Variants in NCOR2 observed in about 807,000 individuals in gnomAD.
NCOR2 encodes nuclear receptor corepressor 2, also known as CTG repeat protein 26.
NCOR2 carries 81 observed loss-of-function variants against 262.9 expected under a neutral mutation model. The observed-to-expected ratio is 0.31, with a 90% CI of 0.26 to 0.37. The LOEUF (loss-of-function observed/expected upper bound fraction) is 0.37, where lower values mean the gene tolerates loss of function less well. Among genes scored for constraint, NCOR2 ranks in the 10% least tolerant of loss-of-function variants. The probability of loss-of-function intolerance (pLI) is 1.00; values close to 1 mark genes in which losing one functional copy is unlikely to be tolerated. For missense variants in NCOR2, 3,385 were observed against 3,621.4 expected (o/e 0.93, Z 1.68); for synonymous variants, 1,659 against 1,559.3 (o/e 1.06, Z -1.51).
chr12:124,485,635 G>C (rs1322720194), intron 2 of NCOR2, among the ~76,000 whole-genome samples: 1 of 152,170 alleles, frequency 6.6e-6, no homozygotes, highest in Non-Finnish European at 1.5e-5. Context: ...TCCTCCAGAC[G>C]CCTGCGCCCA....
chr12:124,388,921 C>T (rs1157310413), intron 16 of NCOR2: 11 of 255,904 alleles, frequency 4.3e-5, no homozygotes, highest in African/African-American at 1.1e-4. Context: ...ACGCGGCGGG[C>T]GGAGGCTGGC....
chr12:124,494,478 C>T (rs1237045505), intron 1 of NCOR2, among the ~76,000 whole-genome samples: 1 of 152,182 alleles, frequency 6.6e-6, no homozygotes, highest in African/African-American at 2.4e-5. Flanking sequence ...GGAAATGGGG[C>T]CCCCGCTGGG....
intron 1 of NCOR2, chr12:124,529,725 C>T (rs2050685485): frequency 3.9e-5 from 6 of 152,242 alleles, no homozygotes; most frequent in Admixed American, 6.5e-5. Flanking sequence ...AGAACCACAG[C>T]TTTGCCCAAA....
At chr12:124,507,372 AAAC>A (rs2049106959) in intron 1 of NCOR2, among the ~76,000 whole-genome samples, 1 of 152,248 alleles carries the variant, frequency 6.6e-6, no homozygotes, top group Admixed American at 6.5e-5. Context: ...ATTTAAAATT[AAAC>A]AACACCTCCT....
At chr12:124,471,321 C>T (rs1016248822) in intron 4 of NCOR2, among the ~76,000 whole-genome samples, 5 of 152,200 alleles carry the variant, frequency 3.3e-5, no homozygotes, top group Admixed American at 2.0e-4. Flanking sequence ...CTTGGAGCCC[C>T]TACTTCCTTG....
chr12:124,450,432 C>T (rs1045759555), intron 6 of NCOR2, among the ~76,000 whole-genome samples: 4 of 152,176 alleles, frequency 2.6e-5, no homozygotes, highest in Non-Finnish European at 5.9e-5. Flanking sequence ...TAACGAACAC[C>T]GACGCCCCCG....
intron 5 of NCOR2, among the ~76,000 whole-genome samples, chr12:124,464,908 G>A (rs1189455839): frequency 6.6e-6 from 1 of 152,188 alleles, no homozygotes; most frequent in Non-Finnish European, 1.5e-5. Flanking sequence ...GTGGTGCTTG[G>A]GGTGAGGGGT....
chr12:124,337,013 G>T, exon 38 of NCOR2: 1 of 1,507,286 alleles, frequency 6.6e-7, no homozygotes, highest in South Asian at 1.4e-5. Flanking sequence ...GGCATGGCCG[G>T]TGTCTGCTCG....
upstream of NCOR2, among the ~76,000 whole-genome samples, chr12:124,536,437 C>T (rs539149165): frequency 6.6e-6 from 1 of 152,260 alleles, no homozygotes; most frequent in South Asian, 2.1e-4. Context: ...ATAGCTAGTA[C>T]CCAGAATACA....
intron 1 of NCOR2, among the ~76,000 whole-genome samples, chr12:124,562,551 G>A (rs1002852952): frequency 2.6e-5 from 4 of 152,212 alleles, no homozygotes; most frequent in African/African-American, 9.6e-5. Context: ...CCACTCTCCG[G>A]GCTGCCCATG....
chr12:124,388,050 T>C (rs1291667368), intron 16 of NCOR2, among the ~76,000 whole-genome samples: 3 of 45,920 alleles, frequency 6.5e-5, no homozygotes, highest in Non-Finnish European at 1.3e-4. Flanking sequence ...ATGGGGGCAG[T>C]GGGAGTGGGT....
intron 13 of NCOR2, among the ~76,000 whole-genome samples, chr12:124,409,294 C>A (rs1445138148): frequency 6.6e-6 from 1 of 152,240 alleles, no homozygotes. Context: ...CAGCTCTCCC[C>A]ATGCCCACCA....
chr12:124,356,614 A>C lies in NCOR2; in HGVS notation c.3241+28T>G, dbSNP rs201335174. The C allele has an allele frequency of 5.8e-5, 83 of 1,419,280 alleles. No homozygotes were observed. In the African/African-American group the frequency reaches 1.1e-3, roughly 19 times the overall value. 87.9% of individuals were successfully genotyped at this position (1,419,280 alleles called of 1,614,324 possible). ...AACAGCGATTGTGCACTGGCTGAAGAAGCCCAAGCTCGGGCGGAGCTACTT... is the reference window on the plus strand; with the variant it reads ...AACAGCGATTGTGCACTGGCTGAAGCAGCCCAAGCTCGGGCGGAGCTACTT... On this transcript the variant is annotated intron_variant, in intron 23 of 46. Coordinates refer to ENST00000405201, the Ensembl canonical transcript of NCOR2.
chr12:124,465,032 C>T (rs1470287351), intron 5 of NCOR2, among the ~76,000 whole-genome samples: 1 of 152,168 alleles, frequency 6.6e-6, no homozygotes, highest in African/African-American at 2.4e-5. Flanking sequence ...CAGGTTGATC[C>T]AGTAGTTCCC....
At chr12:124,536,324 T>C (rs1457389145), upstream of NCOR2, among the ~76,000 whole-genome samples, 4 of 152,154 alleles carry the variant, frequency 2.6e-5, no homozygotes, top group East Asian at 7.7e-4. Context: ...GCAATCCTCC[T>C]GCCTTGGCCT....
chr12:124,399,890 G>A (rs997747477), intron 15 of NCOR2, among the ~76,000 whole-genome samples: 2 of 152,124 alleles, frequency 1.3e-5, no homozygotes, highest in African/African-American at 4.8e-5. Flanking sequence ...TTCTGGGAGG[G>A]TAGTGAGGGA....
intron 20 of NCOR2, among the ~76,000 whole-genome samples, chr12:124,364,772 C>T (rs923555674): frequency 2.0e-5 from 3 of 152,242 alleles, no homozygotes; most frequent in African/African-American, 7.2e-5. Context: ...GAACCCTTCA[C>T]CTGCCCAGTG....
exon 47 of NCOR2, chr12:124,325,392 C>CCCCGG: frequency 6.9e-6 from 8 of 1,152,226 alleles, no homozygotes; most frequent in Non-Finnish European, 8.9e-6. Flanking sequence ...CCCCCCCGCC[C>CCCCGG]TGTTCTGAGT....
In NCOR2 at chr12:124,429,551, T is replaced by G. The variant is rs978861439; in HGVS notation, c.1149+62A>C. 27 of 1,518,892 alleles carry G rather than the reference T, an allele frequency of 1.8e-5. No homozygotes were observed. The Admixed American group carries it at 2.2e-4, about 12-fold the overall frequency. The allele number at this position is 1,518,892 out of a possible 1,614,324, so 94.1% of individuals were successfully genotyped here. The stretch of plus-strand genomic sequence containing the variant: ...GGAGGTGGTTTCTGGCTAGGGCCTC[T>G]GCACCCTCACGGGGGATGCCAGGGA... On this transcript the variant is annotated intron_variant, in intron 10 of 46. Coordinates refer to ENST00000405201, the Ensembl canonical transcript of NCOR2.
Sources: allele counts gnomAD v4.1 joint callset (sites outside exome capture counted in the v4.1 genomes callset), GRCh38; gene constraint gnomAD v4.1.1; transcripts MANE v1.5; gene names NCBI Gene and HGNC (gene_info 2026-07-23, HGNC 2026-07-21).